The following CLNK variants were observed in gnomAD, a reference collection of about 807,000 sequenced individuals.
CLNK encodes cytokine-dependent hematopoietic cell linker.
A neutral mutation model predicts 68.6 loss-of-function variants in CLNK; 74 were observed. The ratio of observed to expected loss-of-function variants is 1.08; its 90% CI spans 0.89 to 1.31. The LOEUF (loss-of-function observed/expected upper bound fraction) is 1.31. Ranked by LOEUF, CLNK falls within the 50% of genes most tolerant of loss-of-function variation. CLNK has a pLI of 0.00. For missense variants in CLNK, 553 were observed against 515.3 expected (o/e 1.07, Z -0.71); for synonymous variants, 198 against 172.2 (o/e 1.15, Z -1.17).
In CLNK at chr4:10,658,371, G is replaced by A. The variant is rs538845721; in HGVS notation, c.11+9488C>T. Among the ~76,000 whole-genome samples, 352 of 152,300 alleles carry A rather than the reference G, an allele frequency of 2.3e-3. 1 individual carries two copies. Among genetic ancestry groups the A allele is most frequent in the Non-Finnish European group, 3.4e-3 (229 of 68,020 alleles). ...GATTGTGATGATGATATAGCCAGCC[G>A]ACAGTATCTGTTCCAGTCATCTGTT... is the stretch of plus-strand genomic sequence containing the variant. On this transcript the variant is annotated intron_variant, in intron 2 of 18. Coordinates refer to ENST00000226951, the MANE Select transcript of CLNK (RefSeq NM_052964.4).
chr4:10,692,242 A>G, the CLNK span: 1 of 152,192 alleles, frequency 6.6e-6, no homozygotes, highest in East Asian at 1.9e-4. Flanking sequence ...TTGAGACACA[A>G]AGAGGTTAAG....
At chr4:10,596,411 A>C (rs936157727) in intron 3 of CLNK, among the ~76,000 whole-genome samples, 1 of 152,214 alleles carries the variant, frequency 6.6e-6, no homozygotes, top group Non-Finnish European at 1.5e-5. Flanking sequence ...AGCTCAGATG[A>C]GGTTGAAATC....
At chr4:10,507,435 T>TA (rs1477782514) in intron 17 of CLNK, among the ~76,000 whole-genome samples, 4 of 129,188 alleles carry the variant, frequency 3.1e-5, no homozygotes, top group East Asian at 4.7e-4. Context: ...TTGTTTTCTG[T>TA]TTTTATTTAT....
chr4:10,617,573 A>C (rs1170940014), intron 2 of CLNK, among the ~76,000 whole-genome samples: 3 of 152,222 alleles, frequency 2.0e-5, no homozygotes, highest in Non-Finnish European at 4.4e-5. Flanking sequence ...TGGTAAATTA[A>C]ATGGCAATGA....
At chr4:10,534,014 A>G (rs1235280963) in intron 11 of CLNK, among the ~76,000 whole-genome samples, 1 of 152,222 alleles carries the variant, frequency 6.6e-6, no homozygotes, top group African/African-American at 2.4e-5. Flanking sequence ...ATATTTAAGG[A>G]GATTTAAATG....
intron 5 of CLNK, among the ~76,000 whole-genome samples, chr4:10,568,428 G>A (rs1465098389): frequency 6.6e-6 from 1 of 152,100 alleles, no homozygotes; most frequent in Non-Finnish European, 1.5e-5. Context: ...ATATTGATTG[G>A]AGTGATGGTT....
At chr4:10,552,630 C>T (rs1011607615) in intron 8 of CLNK, among the ~76,000 whole-genome samples, 1 of 152,022 alleles carries the variant, frequency 6.6e-6, no homozygotes, top group African/African-American at 2.4e-5. Flanking sequence ...TCATCTCCAC[C>T]CCAATCAATC....
chr4:10,616,411 G>C (rs1055221739), intron 2 of CLNK, among the ~76,000 whole-genome samples: 1 of 152,172 alleles, frequency 6.6e-6, no homozygotes, highest in Admixed American at 6.6e-5. Flanking sequence ...ATTGCGAATA[G>C]CACAAAATAG....
At chr4:10,668,330 C>T (rs1187243646) in intron 1 of CLNK, among the ~76,000 whole-genome samples, 1 of 152,164 alleles carries the variant, frequency 6.6e-6, no homozygotes, top group Non-Finnish European at 1.5e-5. Flanking sequence ...AGTTACAGTT[C>T]TATATCACTT....
chr4:10,721,320 C>T, the CLNK span, among the ~76,000 whole-genome samples: 4 of 152,086 alleles, frequency 2.6e-5, no homozygotes, highest in African/African-American at 9.7e-5. Flanking sequence ...AAAGGACTAC[C>T]ACTGGGGGAA....
At chr4:10,594,115 T>G (rs2108842969) in intron 3 of CLNK, among the ~76,000 whole-genome samples, 1 of 152,346 alleles carries the variant, frequency 6.6e-6, no homozygotes. Context: ...CCCACTCTTC[T>G]GCTTCCCACC....
At chr4:10,583,289 C>CT (rs1040784668) in intron 4 of CLNK, among the ~76,000 whole-genome samples, 4 of 149,520 alleles carry the variant, frequency 2.7e-5, no homozygotes, top group African/African-American at 9.8e-5. Flanking sequence ...CTTTTTTTTT[C>CT]TTTTTTGAGA....
intron 2 of CLNK, among the ~76,000 whole-genome samples, chr4:10,603,797 C>T (rs144221416): frequency 1.2e-3 from 182 of 152,272 alleles, no homozygotes; most frequent in African/African-American, 4.3e-3. Context: ...CCTGCTCAGC[C>T]AAGGCAATTC....
intron 13 of CLNK, 79 bp from the exon 14 acceptor site, chr4:10,526,001 C>G: frequency 2.7e-6 from 2 of 753,828 alleles, no homozygotes; most frequent in Non-Finnish European, 4.4e-6. Context: ...ACTGGAACTA[C>G]TATAATTTCC....
At chr4:10,597,892 C>T (rs1302523992) in intron 3 of CLNK, 86 bp downstream of exon 3, 11 of 912,256 alleles carry the variant, frequency 1.2e-5, no homozygotes, top group Non-Finnish European at 3.4e-6. Context: ...ATCACATTGA[C>T]AATTTTCGTG....
Position 10,608,496 on chromosome 4 carries a change from C to G in CLNK, c.12-10447G>C, listed in dbSNP as rs569564203. On this transcript the variant is annotated intron_variant, in intron 2 of 18. Transcript: ENST00000226951. ...TCTGTGAACTAGAATGATGCTTGCT[C>G]TCTCCTTAGTGAACAACAGCTGTGT... Among the ~76,000 whole-genome samples, 3 of 152,326 alleles carry G rather than the reference C, an allele frequency of 2.0e-5. No individual in the cohort carries two copies. The South Asian group carries it at 6.2e-4, about 32-fold the overall frequency.
intron 3 of CLNK, among the ~76,000 whole-genome samples, chr4:10,595,411 G>T (rs1216451951): frequency 1.3e-5 from 2 of 152,130 alleles, no homozygotes; most frequent in Non-Finnish European, 2.9e-5. Flanking sequence ...ATAAAAGTGG[G>T]TATTGCGGAT....
intron 1 of CLNK, among the ~76,000 whole-genome samples, chr4:10,683,750 G>T (rs1725173317): frequency 6.6e-6 from 1 of 152,174 alleles, no homozygotes; most frequent in Non-Finnish European, 1.5e-5. Context: ...CAATTAACCA[G>T]CTCTACCATC....
chr4:10,506,966 A>G (rs989365604), intron 17 of CLNK, among the ~76,000 whole-genome samples: 1 of 145,852 alleles, frequency 6.9e-6, no homozygotes, highest in East Asian at 2.0e-4. Context: ...TGCCCGGCCA[A>G]TTTTTTTTTT....
Sources: gnomAD v4.1 joint callset for allele counts (sites outside exome capture counted in the v4.1 genomes callset) on GRCh38, gnomAD v4.1.1 for gene constraint, MANE v1.5 for transcripts, NCBI Gene and HGNC (gene_info 2026-07-23, HGNC 2026-07-21) for gene names.